LRRTM3: variants seen among roughly 807,000 people sequenced by gnomAD.
The protein encoded by LRRTM3 is leucine rich repeat transmembrane neuronal 3.
In LRRTM3, 24 loss-of-function variants were observed where a neutral mutation model predicts 44.7. The observed-to-expected ratio is 0.54, with a 90% confidence interval of 0.39 to 0.76. The LOEUF (loss-of-function observed/expected upper bound fraction) is 0.76, where lower values mean the gene tolerates loss of function less well. LRRTM3 is among the 30% of genes least tolerant of loss of function. The pLI is 0.00. For synonymous variants in LRRTM3, 277 were observed against 278.7 expected (o/e 0.99, Z 0.06); for missense variants, 587 against 702.2 (o/e 0.84, Z 1.85).
At chr10:67,086,632 T>G (rs1373380186) in intron 2 of LRRTM3, among the ~76,000 whole-genome samples, 1 of 151,880 alleles carries the variant, frequency 6.6e-6, no homozygotes, top group Non-Finnish European at 1.5e-5. Flanking sequence ...AAAATGCCAG[T>G]TGGAAAGCAA....
intron 2 of LRRTM3, among the ~76,000 whole-genome samples, chr10:67,027,454 A>G (rs1031921466): frequency 4.5e-5 from 2 of 44,368 alleles, no homozygotes; most frequent in African/African-American, 1.3e-4. Context: ...TTTTTTTTTG[A>G]TACACAGTCT....
chr10:67,042,938 G>C (rs976308134), intron 2 of LRRTM3, among the ~76,000 whole-genome samples: 3 of 152,064 alleles, frequency 2.0e-5, no homozygotes, highest in Admixed American at 6.6e-5. Context: ...CGCTATAAAA[G>C]AGGAGCCAAA....
At chr10:67,074,371 G>C (rs1306973619) in intron 2 of LRRTM3, among the ~76,000 whole-genome samples, 1 of 82,418 alleles carries the variant, frequency 1.2e-5, no homozygotes, top group Admixed American at 1.4e-4. Flanking sequence ...TTTTTTTTGA[G>C]ACGGAGTCTC....
intron 2 of LRRTM3, among the ~76,000 whole-genome samples, chr10:66,962,780 C>T (rs774310594): frequency 6.6e-6 from 1 of 152,108 alleles, no homozygotes; most frequent in South Asian, 2.1e-4. Context: ...CTTAAAATGG[C>T]TTTTAGAATT....
intron 2 of LRRTM3, among the ~76,000 whole-genome samples, chr10:67,086,957 A>C (rs1857346373): frequency 6.6e-6 from 1 of 152,186 alleles, no homozygotes; most frequent in South Asian, 2.1e-4. Flanking sequence ...GGGATTAAAA[A>C]AAGGAAAAGA....
chr10:67,085,361 C>A (rs1022598885), intron 2 of LRRTM3, among the ~76,000 whole-genome samples: 1 of 151,004 alleles, frequency 6.6e-6, no homozygotes, highest in Non-Finnish European at 1.5e-5. Context: ...AAAAAATGAA[C>A]CCTAATTTGT....
intron 2 of LRRTM3, among the ~76,000 whole-genome samples, chr10:67,027,368 G>T (rs576806259): frequency 6.6e-6 from 1 of 151,744 alleles, no homozygotes; most frequent in East Asian, 1.9e-4. Context: ...TTACTTTAAT[G>T]ACTCAGAAAA....
intron 2 of LRRTM3, among the ~76,000 whole-genome samples, chr10:66,957,783 T>G (rs528164867): frequency 6.6e-6 from 1 of 152,136 alleles, no homozygotes; most frequent in South Asian, 2.1e-4. Context: ...TTGCTAGAAC[T>G]GCTGAAAAGT....
At chr10:67,080,845 C>A (rs550275586) in intron 2 of LRRTM3, among the ~76,000 whole-genome samples, 2 of 151,318 alleles carry the variant, frequency 1.3e-5, no homozygotes, top group Non-Finnish European at 2.9e-5. Flanking sequence ...GGAGGCAGAG[C>A]TTGCAGTGAG....
intron 2 of LRRTM3, among the ~76,000 whole-genome samples, chr10:67,021,123 T>C (rs1315447837): frequency 6.6e-6 from 1 of 152,082 alleles, no homozygotes; most frequent in Non-Finnish European, 1.5e-5. Context: ...AGATAAAATG[T>C]GACGGAAGAG....
At chr10:67,014,603 T>C (rs1192434177) in intron 2 of LRRTM3, among the ~76,000 whole-genome samples, 13 of 152,120 alleles carry the variant, frequency 8.5e-5, no homozygotes. Context: ...AGACTTTCTT[T>C]AGTAGCTAAT....
At chr10:66,995,403 G>A (rs1851272337) in intron 2 of LRRTM3, among the ~76,000 whole-genome samples, 1 of 151,976 alleles carries the variant, frequency 6.6e-6, no homozygotes, top group Admixed American at 6.6e-5. Flanking sequence ...TCTCTTACAT[G>A]GCCCATGGTA....
intron 2 of LRRTM3, among the ~76,000 whole-genome samples, chr10:66,950,097 G>A (rs1441521769): frequency 6.6e-6 from 1 of 152,082 alleles, no homozygotes; most frequent in African/African-American, 2.4e-5. Flanking sequence ...GTCTCCTTCA[G>A]GGTCTATCTC....
intron 2 of LRRTM3, among the ~76,000 whole-genome samples, chr10:67,034,623 A>C (rs1853930604): frequency 1.3e-5 from 2 of 152,142 alleles, no homozygotes; most frequent in African/African-American, 4.8e-5. Flanking sequence ...CCTACAAATA[A>C]ATTACAAGAA....
At chr10:67,043,180 C>A (rs1854515295) in intron 2 of LRRTM3, among the ~76,000 whole-genome samples, 1 of 145,954 alleles carries the variant, frequency 6.9e-6, no homozygotes, top group Non-Finnish European at 1.5e-5. Context: ...GGTCCATTTC[C>A]AACTTTTCTC....
At chr10:67,058,659 A>G (rs1855579330) in intron 2 of LRRTM3, among the ~76,000 whole-genome samples, 1 of 152,088 alleles carries the variant, frequency 6.6e-6, no homozygotes, top group South Asian at 2.1e-4. Flanking sequence ...AAGTTTAGGG[A>G]ACATGCTGAT....
chr10:67,051,463 CTT>C (rs11334360), intron 2 of LRRTM3, among the ~76,000 whole-genome samples: 243 of 129,604 alleles, frequency 1.9e-3, no homozygotes, highest in Non-Finnish European at 2.1e-3. Context: ...TTTCTTTTTT[CTT>C]TTTTTTTTTT....
At chr10:67,072,599 G>A (rs1048374360) in intron 2 of LRRTM3, among the ~76,000 whole-genome samples, 1 of 152,140 alleles carries the variant, frequency 6.6e-6, no homozygotes, top group African/African-American at 2.4e-5. Context: ...GGGCTAGATT[G>A]CAGTTTTAGT....
intron 2 of LRRTM3, among the ~76,000 whole-genome samples, chr10:66,996,412 G>A (rs578185932): frequency 1.3e-5 from 2 of 152,128 alleles, no homozygotes; most frequent in Admixed American, 1.3e-4. Context: ...TTGGGAGGCC[G>A]AGACGGGCAG....
Sources: gnomAD v4.1 joint callset for allele counts (sites outside exome capture counted in the v4.1 genomes callset) on GRCh38, gnomAD v4.1.1 for gene constraint, MANE v1.5 for transcripts, NCBI Gene and HGNC (gene_info 2026-07-23, HGNC 2026-07-21) for gene names.